PRDM16: variants seen among roughly 807,000 people sequenced by gnomAD.
The protein encoded by PRDM16 is PR/SET domain 16.
Under a neutral mutation model 110.6 loss-of-function variants are expected in PRDM16, and 23 were observed. The observed-to-expected ratio is 0.21, with a 90% CI of 0.15 to 0.29. The LOEUF (loss-of-function observed/expected upper bound fraction) is 0.29, where lower values mean the gene tolerates loss of function less well. Ranked by LOEUF, PRDM16 falls within the 10% of genes least tolerant of loss-of-function variation. The pLI is 1.00. For missense variants in PRDM16, 1,615 were observed against 1,794.3 expected, an observed-to-expected ratio of 0.90 and a Z score of 1.81; for synonymous variants, 799 against 781.8, an observed-to-expected ratio of 1.02 and a Z score of -0.37.
chr1:3,432,376 C>T (rs921551059), intron 16 of PRDM16, among the ~76,000 whole-genome samples: 5 of 152,230 alleles, frequency 3.3e-5, no homozygotes, highest in Non-Finnish European at 7.3e-5. Context: ...AGGGAGCTCA[C>T]TCATGGACAC....
intron 3 of PRDM16, among the ~76,000 whole-genome samples, chr1:3,287,694 A>C (rs1291364853): frequency 8.9e-6 from 1 of 112,502 alleles, no homozygotes; most frequent in Non-Finnish European, 1.7e-5. Flanking sequence ...CCGGGGCTGG[A>C]ACCGCCCCGC....
At chr1:3,349,587 A>G (rs1415871884) in intron 3 of PRDM16, among the ~76,000 whole-genome samples, 1 of 151,926 alleles carries the variant, frequency 6.6e-6, no homozygotes, top group Non-Finnish European at 1.5e-5. Flanking sequence ...CCTCTTTCCC[A>G]CTGGCTGGTG....
chr1:3,145,182 C>T (rs1476746491), intron 1 of PRDM16, among the ~76,000 whole-genome samples: 1 of 152,212 alleles, frequency 6.6e-6, no homozygotes, highest in Non-Finnish European at 1.5e-5. Context: ...CAGGAAACCG[C>T]CCCCACCCCT....
chr1:3,350,634 G>A lies in PRDM16; in HGVS notation c.439-34518G>A, dbSNP rs184103931. 1.4e-3 allele frequency among the ~76,000 whole-genome samples: 220 copies of A among 152,268 alleles called. No homozygotes were observed. Among genetic ancestry groups the A allele is most frequent in the Non-Finnish European group, 2.6e-3 (177 of 67,994 alleles). ...GCCAGCCCTGCCCGGCCAGGGCTCG[G>A]GCACAGCTTGGCTCCATGCAGGGCC... On this transcript the variant is annotated intron_variant, in intron 3 of 16. Coordinates refer to ENST00000270722, the MANE Select transcript of PRDM16 (RefSeq NM_022114.4). This position sits in a 1 kb window ranked among gnomAD's most constrained non-coding sequence, Gnocchi z 7.1.
chr1:3,420,094 G>T (rs1357316641), intron 12 of PRDM16, among the ~76,000 whole-genome samples: 1 of 152,076 alleles, frequency 6.6e-6, no homozygotes, highest in East Asian at 1.9e-4. Context: ...GGGTCGGGGT[G>T]GTGTTTATAG....
Position 3,082,632 on chromosome 1 carries a change from C to G in PRDM16, c.37+13336C>G, listed in dbSNP as rs547725015. 1.0e-3 allele frequency among the ~76,000 whole-genome samples: 154 copies of G among 152,324 alleles called. 1 individual carries two copies. Among genetic ancestry groups the G allele is most frequent in the African/African-American group, 3.5e-3 (145 of 41,600 alleles). On this transcript the variant is annotated intron_variant, in intron 1 of 16. Transcript: ENST00000270722. ...TGCCTCGGCTGGGTCAGGACAGAGCCGGGGTTGGGGGCCAATGCCCAGCAA... is the reference window on the plus strand; with the variant it reads ...TGCCTCGGCTGGGTCAGGACAGAGCGGGGGTTGGGGGCCAATGCCCAGCAA...
chr1:3,145,938 C>T (rs1294585365), intron 1 of PRDM16, among the ~76,000 whole-genome samples: 1 of 152,104 alleles, frequency 6.6e-6, no homozygotes, highest in Non-Finnish European at 1.5e-5. Context: ...CCCGGCGCCC[C>T]CCGGGTCACA....
intron 2 of PRDM16, among the ~76,000 whole-genome samples, chr1:3,222,064 G>T (rs940125954): frequency 2.0e-5 from 3 of 152,240 alleles, no homozygotes; most frequent in Non-Finnish European, 2.9e-5. Flanking sequence ...CCCCGTGCTG[G>T]CAGGAAGTGA....
At chr1:3,356,513 GC>G (rs1642606113) in intron 3 of PRDM16, among the ~76,000 whole-genome samples, 4 of 152,334 alleles carry the variant, frequency 2.6e-5, no homozygotes, top group Admixed American at 6.5e-5. Flanking sequence ...AGAGGAGGCT[GC>G]CCCCAGCTCT....
At chr1:3,182,195 C>T (rs1452640438) in intron 1 of PRDM16, among the ~76,000 whole-genome samples, 5 of 152,206 alleles carry the variant, frequency 3.3e-5, no homozygotes, top group African/African-American at 4.8e-5. Flanking sequence ...AGGCAGATAC[C>T]GACTCCGAAA....
chr1:3,221,351 A>G (rs1639146587), intron 2 of PRDM16, among the ~76,000 whole-genome samples: 1 of 152,220 alleles, frequency 6.6e-6, no homozygotes, highest in Non-Finnish European at 1.5e-5. Context: ...GGTTCAGCGT[A>G]ACAGAGACAA....
rs111677721 is a variant in PRDM16, at chr1:3,334,275, C to T, written c.439-50877C>T. Among the ~76,000 whole-genome samples, 629 of 152,298 alleles carry T rather than the reference C, an allele frequency of 4.1e-3. 14 individuals carry two copies. The highest frequency in any genetic ancestry group is 0.014 in the African/African-American group (600 of 41,556). ...GACGATGAACTGCAGCCTGGCCCAG[C>T]CCAGCCAGGGATTGCCGGGGTTGGA... On this transcript the variant is annotated intron_variant, in intron 3 of 16. Coordinates refer to ENST00000270722, the MANE Select transcript of PRDM16 (RefSeq NM_022114.4).
chr1:3,177,029 A>T (rs1428479077), intron 1 of PRDM16, among the ~76,000 whole-genome samples: 11 of 151,852 alleles, frequency 7.2e-5, no homozygotes, highest in Non-Finnish European at 4.4e-5. Flanking sequence ...CCATCCATCC[A>T]TCCCCTCATC....
chr1:3,298,103 T>C (rs1447959510), intron 3 of PRDM16, among the ~76,000 whole-genome samples: 1 of 152,252 alleles, frequency 6.6e-6, no homozygotes, highest in East Asian at 1.9e-4. Context: ...GGCCATGCAC[T>C]AGAGAAGGCT....
chr1:3,298,849 C>T (rs1471925350), intron 3 of PRDM16, among the ~76,000 whole-genome samples: 2 of 152,212 alleles, frequency 1.3e-5, no homozygotes, highest in East Asian at 3.8e-4. Context: ...CCAAAAAGAG[C>T]TTTTGTCTTT....
rs1421267006 is a variant in PRDM16, at chr1:3,209,213, C to T, written c.387+22739C>T. ...ATTAATCATTTATTTGGTAAAGGCC[C>T]ATGACTGAGTGGAAAAGCAACAAGA... On this transcript the variant is annotated intron_variant, in intron 2 of 16. Transcript: ENST00000270722. The surrounding 1 kb of genome is among the most constrained non-coding windows in gnomAD (Gnocchi z 4.6). Among the ~76,000 whole-genome samples, 1 of 152,200 alleles carries T rather than the reference C, an allele frequency of 6.6e-6. No individual in the cohort carries two copies. Among genetic ancestry groups the T allele is most frequent in the Admixed American group, 6.5e-5 (1 of 15,284 alleles).
rs917706455 is a variant in PRDM16, at chr1:3,244,350, C to T, written c.438+213C>T. Among the ~76,000 whole-genome samples, 8 of 151,992 alleles carry T rather than the reference C, an allele frequency of 5.3e-5. No homozygotes were observed. The highest frequency in any genetic ancestry group is 2.0e-4 in the Admixed American group (3 of 15,266). On this transcript the variant is annotated intron_variant, in intron 3 of 16. Coordinates refer to ENST00000270722, the MANE Select transcript of PRDM16 (RefSeq NM_022114.4). The surrounding 1 kb of genome is among the most constrained non-coding windows in gnomAD (Gnocchi z 4.1). ...GATGGGGAGGTGGGGGTCATGTCGCCGTAGGGTCACAGGTACAGGGCCATC... is the reference window on the plus strand; with the variant it reads ...GATGGGGAGGTGGGGGTCATGTCGCTGTAGGGTCACAGGTACAGGGCCATC...
chr1:3,080,226 A>G lies in PRDM16; in HGVS notation c.37+10930A>G, dbSNP rs1025300841. 6.6e-6 allele frequency among the ~76,000 whole-genome samples: 1 copy of G among 152,192 alleles called. No homozygotes were observed. The highest frequency in any genetic ancestry group is 1.5e-5 in the Non-Finnish European group (1 of 68,042). ...GCTGCCAGTGTCAGGTTCCCAGATA[A>G]TGATGTGTCTGTGTGTGAAAATATT... On this transcript the variant is annotated intron_variant, in intron 1 of 16. Transcript: ENST00000270722. This position sits in a 1 kb window ranked among gnomAD's most constrained non-coding sequence, Gnocchi z 5.2.
At chr1:3,424,923 G>A (rs565280459) in intron 12 of PRDM16, 12 of 152,188 alleles carry the variant, frequency 7.9e-5, no homozygotes, top group African/African-American at 2.7e-4. Flanking sequence ...CAGACCTGCC[G>A]GCCCCGCGGC....
Sources: allele counts gnomAD v4.1 joint callset (sites outside exome capture counted in the v4.1 genomes callset), GRCh38; gene constraint gnomAD v4.1.1; non-coding constraint Gnocchi (gnomAD v3.1); transcripts MANE v1.5; gene names NCBI Gene and HGNC (gene_info 2026-07-23, HGNC 2026-07-21).